TFAP2B: variants seen among roughly 807,000 people sequenced by gnomAD.
The protein encoded by TFAP2B is transcription factor AP-2-beta.
In TFAP2B, 9 loss-of-function variants were observed where a neutral mutation model predicts 44.3. The ratio of observed to expected loss-of-function variants is 0.20; its 90% CI spans 0.12 to 0.35. TFAP2B has a LOEUF of 0.35. Among genes scored for constraint, TFAP2B ranks in the 10% least tolerant of loss-of-function variants. The pLI is 1.00. For missense variants in TFAP2B, 509 were observed against 600.0 expected, an observed-to-expected ratio of 0.85 and a Z score of 1.59; for synonymous variants, 270 against 263.8, an observed-to-expected ratio of 1.02 and a Z score of -0.23.
chr6:50,839,776 T>A (rs1762689816), intron 5 of TFAP2B, among the ~76,000 whole-genome samples: 2 of 152,226 alleles, frequency 1.3e-5, no homozygotes, highest in Admixed American at 1.3e-4. Flanking sequence ...CTTTTAAATT[T>A]TATTTAAAGC....
At chr6:50,836,507 G>A (rs1029611194) in intron 4 of TFAP2B, among the ~76,000 whole-genome samples, 1 of 152,264 alleles carries the variant, frequency 6.6e-6, no homozygotes, top group Middle Eastern at 3.4e-3. Flanking sequence ...ATCCAGGCCT[G>A]CCCGCGCCGC....
chr6:50,842,156 C>T (rs1215174894), intron 6 of TFAP2B, among the ~76,000 whole-genome samples: 1 of 152,212 alleles, frequency 6.6e-6, no homozygotes, highest in Non-Finnish European at 1.5e-5. Flanking sequence ...CATGAGAAAT[C>T]TGCCCATCTG....
chr6:50,840,030 C>A, intron 5 of TFAP2B, 126 bp from the exon 6 acceptor site: 12 of 1,280,302 alleles, frequency 9.4e-6, no homozygotes, highest in Non-Finnish European at 1.4e-5. Flanking sequence ...CATCTCTCAC[C>A]TTTGCTTTTG....
intron 4 of TFAP2B, among the ~76,000 whole-genome samples, chr6:50,837,682 C>A (rs1241515044): frequency 6.6e-6 from 1 of 152,146 alleles, no homozygotes; most frequent in Non-Finnish European, 1.5e-5. Context: ...GCATGTGCAG[C>A]TTCTACCTTC....
rs949533144 is a variant in TFAP2B, at chr6:50,836,420, C to G, written c.821+140C>G. The stretch of plus-strand genomic sequence containing the variant: ...CGCAGTTGCCTAGCAACCGGGTGGC[C>G]GGAGCATTGCTTTCGCGCAGCGCTT... On this transcript the variant is annotated intron_variant, in intron 4 of 6. Transcript: ENST00000393655. The G allele has an allele frequency of 2.8e-4, 225 of 796,892 alleles. 1 individual carries two copies. Among genetic ancestry groups the G allele is most frequent in the Non-Finnish European group, 6.8e-5 (33 of 482,666 alleles). The allele number at this position is 796,892 out of a possible 1,614,324, so 49.4% of individuals were successfully genotyped here.
At chr6:50,828,469 T>C in intron 2 of TFAP2B, 150 bp from the exon 3 acceptor site, 3 of 672,374 alleles carry the variant, frequency 4.5e-6, no homozygotes, top group Non-Finnish European at 7.4e-6. Context: ...CATTTCTATG[T>C]CTATTTGGAG....
At chr6:50,839,798 A>G (rs547610287) in intron 5 of TFAP2B, among the ~76,000 whole-genome samples, 1 of 152,360 alleles carries the variant, frequency 6.6e-6, no homozygotes, top group Non-Finnish European at 1.5e-5. Context: ...AGTGTGACAG[A>G]TGCTTTAAAA....
intron 3 of TFAP2B, among the ~76,000 whole-genome samples, chr6:50,834,060 T>G (rs182247653): frequency 6.6e-6 from 1 of 152,282 alleles, no homozygotes; most frequent in East Asian, 1.9e-4. Context: ...TGATTGTCAA[T>G]TATTTGTTTT....
chr6:50,831,769 A>G (rs1007917737), intron 3 of TFAP2B, among the ~76,000 whole-genome samples: 1 of 152,208 alleles, frequency 6.6e-6, no homozygotes, highest in Non-Finnish European at 1.5e-5. Flanking sequence ...TTTTTGGTGC[A>G]ATAAGAAGCC....
chr6:50,830,305 A>G, intron 3 of TFAP2B: 3 of 985,246 alleles, frequency 3.0e-6, no homozygotes, highest in Non-Finnish European at 3.6e-6. Context: ...AGCCAGTCCA[A>G]TAAAAATATT....
rs932486510 is a variant in TFAP2B at position 50,830,704 on chromosome 6, G to C, written c.601+2025G>C. 5.9e-5 allele frequency among the ~76,000 whole-genome samples: 9 copies of C among 152,192 alleles called. No homozygotes were observed. The East Asian group carries it at 1.7e-3, about 29-fold the overall frequency. On this transcript the variant is annotated intron_variant, in intron 3 of 6. Transcript: ENST00000393655. Reference sequence around the variant, plus strand: ...TGTCTTTTTTCTTTAGAGAGCCATAGGCAAAATAAGAATACGAGGTTGATT... The same window carrying C: ...TGTCTTTTTTCTTTAGAGAGCCATACGCAAAATAAGAATACGAGGTTGATT...
At position 50,843,526 on chromosome 6, in the gene TFAP2B, TTTA is replaced by T; in HGVS notation, c.*135_*137del. ...GGTAGAATACACATACAATCAAAAT[TTTA>T]AAAAAAAAAGCTAAATAACTTAAAA... On this transcript the variant is annotated 3_prime_UTR_variant, in exon 7 of 7. Coordinates refer to ENST00000393655, the MANE Select transcript of TFAP2B (RefSeq NM_003221.4). 7 of 860,268 alleles carry T rather than the reference TTTA, an allele frequency of 8.1e-6. No individual in the cohort carries two copies. Among genetic ancestry groups the T allele is most frequent in the Non-Finnish European group, 8.2e-6 (5 of 608,398 alleles). The allele number at this position is 860,268 out of a possible 1,614,324, so 53.3% of individuals were successfully genotyped here.
In TFAP2B at chr6:50,843,700, C is replaced by A. The variant is rs1487009707; in HGVS notation, c.*308C>A. ...TAAAAGAAAACCATGATTTCCCCTT[C>A]CCTTTGGAAAATAAACATAAGACTA... On this transcript the variant is annotated 3_prime_UTR_variant, in exon 7 of 7. Transcript: ENST00000393655. The A allele has an allele frequency of 6.9e-6, 2 of 289,914 alleles. No individual in the cohort carries two copies. The highest frequency in any genetic ancestry group is 4.5e-5 in the African/African-American group (2 of 44,840). 18.0% of individuals were successfully genotyped at this position (289,914 alleles called of 1,614,324 possible).
At chr6:50,822,367 A>G (rs1770377281) in intron 1 of TFAP2B, among the ~76,000 whole-genome samples, 1 of 152,074 alleles carries the variant, frequency 6.6e-6, no homozygotes, top group African/African-American at 2.4e-5. Flanking sequence ...TCTGAGCTCC[A>G]TGAGTCAGCT....
chr6:50,818,377 A>G (rs1287419435), upstream of TFAP2B, among the ~76,000 whole-genome samples: 1 of 152,188 alleles, frequency 6.6e-6, no homozygotes, highest in Non-Finnish European at 1.5e-5. Flanking sequence ...AACATACATG[A>G]ATAGGAGGGA....
intron 4 of TFAP2B, among the ~76,000 whole-genome samples, chr6:50,836,497 A>G (rs769632530): frequency 1.3e-5 from 2 of 152,250 alleles, no homozygotes; most frequent in African/African-American, 2.4e-5. Context: ...GTGTCCTTGC[A>G]TCCAGGCCTG....
intron 3 of TFAP2B, among the ~76,000 whole-genome samples, chr6:50,829,528 C>G (rs1406141409): frequency 6.6e-6 from 1 of 152,126 alleles, no homozygotes; most frequent in Non-Finnish European, 1.5e-5. Context: ...AATGTGTAAA[C>G]AGTGCAATCT....
At chr6:50,823,908 A>C in intron 2 of TFAP2B, 43 bp downstream of exon 2, 1 of 1,530,588 alleles carries the variant, frequency 6.5e-7, no homozygotes, top group Non-Finnish European at 8.8e-7. Flanking sequence ...AAGACCACGA[A>C]TAAGGAATGC....
chr6:50,834,292 A>T (rs1204823911), intron 3 of TFAP2B, among the ~76,000 whole-genome samples: 1 of 152,192 alleles, frequency 6.6e-6, no homozygotes, highest in East Asian at 1.9e-4. Flanking sequence ...AAAAGAAGGA[A>T]CACCTCTCTA....
Sources: gnomAD v4.1 joint callset for allele counts (sites outside exome capture counted in the v4.1 genomes callset) on GRCh38, gnomAD v4.1.1 for gene constraint, MANE v1.5 for transcripts, NCBI Gene and HGNC (gene_info 2026-07-23, HGNC 2026-07-21) for gene names.